Variants in SLC24A2 observed in about 807,000 individuals in gnomAD.
The protein encoded by SLC24A2 is solute carrier family 24 member 2.
In SLC24A2, 36 loss-of-function variants were observed where a neutral mutation model predicts 62.0. That is an observed-to-expected ratio of 0.58 (90% CI 0.44 to 0.77). The LOEUF (loss-of-function observed/expected upper bound fraction) is 0.77. Among genes scored for constraint, SLC24A2 ranks in the 30% least tolerant of loss-of-function variants. The pLI, the probability that SLC24A2 is intolerant of heterozygous loss-of-function variation, is 0.00. For synonymous variants in SLC24A2, 358 were observed against 294.0 expected, an observed-to-expected ratio of 1.22 and a Z score of -2.23; for missense variants, 846 against 817.9, an observed-to-expected ratio of 1.03 and a Z score of -0.42.
chr9:19,576,833 A>T lies in SLC24A2; in HGVS notation c.1228+91T>A, dbSNP rs533054292. 202 of 908,944 alleles carry T rather than the reference A, an allele frequency of 2.2e-4. 1 individual carries two copies. The African/African-American group carries it at 3.2e-3, about 14-fold the overall frequency. 56.3% of individuals were successfully genotyped at this position (908,944 alleles called of 1,614,324 possible). On this transcript the variant is annotated intron_variant, in intron 6 of 10. Transcript: ENST00000341998. ...GTGCTGCAGCGGTGTGTGTGTCTGC[A>T]CTGAGTCAGGGGTGCCCACACTGGT...
At chr9:20,064,368 T>C in the SLC24A2 span, among the ~76,000 whole-genome samples, 3 of 152,160 alleles carry the variant, frequency 2.0e-5, no homozygotes, top group Non-Finnish European at 4.4e-5. Context: ...CAGGGAAAAG[T>C]TCTAAAATGG....
chr9:20,033,896 C>A, the SLC24A2 span, among the ~76,000 whole-genome samples: 1 of 152,184 alleles, frequency 6.6e-6, no homozygotes, highest in Non-Finnish European at 1.5e-5. Flanking sequence ...CCCTTTTACT[C>A]CTTTAATAAA....
chr9:20,263,502 GC>G, the SLC24A2 span, among the ~76,000 whole-genome samples: 1 of 151,954 alleles, frequency 6.6e-6, no homozygotes, highest in African/African-American at 2.4e-5. Flanking sequence ...TCCCACCTCG[GC>G]CCCCCAAAAG....
intron 2 of SLC24A2, among the ~76,000 whole-genome samples, chr9:19,747,291 C>T (rs552901899): frequency 1.3e-5 from 2 of 152,150 alleles, no homozygotes; most frequent in Admixed American, 6.5e-5. Context: ...ACTTTTTATG[C>T]CTATACTTTC....
the SLC24A2 span, among the ~76,000 whole-genome samples, chr9:19,910,892 T>TTTTTC: frequency 2.9e-5 from 1 of 34,566 alleles, no homozygotes; most frequent in Admixed American, 3.3e-4. Flanking sequence ...GGTCCTTTTT[T>TTTTTC]TTTTCTTTTC....
the SLC24A2 span, among the ~76,000 whole-genome samples, chr9:20,022,846 T>TA: frequency 1.7e-4 from 26 of 152,282 alleles, no homozygotes; most frequent in South Asian, 3.5e-3. Flanking sequence ...ACAGATCTGA[T>TA]AAAAAAGCAT....
chr9:20,134,484 C>T, the SLC24A2 span, among the ~76,000 whole-genome samples: 1 of 151,842 alleles, frequency 6.6e-6, no homozygotes, highest in South Asian at 2.1e-4. Context: ...AGAGTTGAGG[C>T]CATTGGGAGT....
chr9:20,197,427 CTTTT>C, the SLC24A2 span, among the ~76,000 whole-genome samples: 1 of 93,160 alleles, frequency 1.1e-5, no homozygotes, highest in Non-Finnish European at 2.0e-5. Context: ...CTCTCTCTCT[CTTTT>C]TTTTTTTTTT....
At chr9:19,816,841 A>C in the SLC24A2 span, among the ~76,000 whole-genome samples, 1 of 152,010 alleles carries the variant, frequency 6.6e-6, no homozygotes, top group Admixed American at 6.6e-5. Flanking sequence ...ACTCACTCCC[A>C]TGATCCAATC....
chr9:20,001,436 T>C, the SLC24A2 span, among the ~76,000 whole-genome samples: 8 of 152,196 alleles, frequency 5.3e-5, no homozygotes, highest in African/African-American at 1.9e-4. Context: ...AACCAATTAA[T>C]TTTCCTTTGC....
chr9:20,145,828 CCATA>C, the SLC24A2 span, among the ~76,000 whole-genome samples: 4 of 151,756 alleles, frequency 2.6e-5, no homozygotes, highest in African/African-American at 7.3e-5. Context: ...ATACAAATAG[CCATA>C]CATACATGTA....
At chr9:19,528,845 C>T (rs1563934921) in intron 8 of SLC24A2, among the ~76,000 whole-genome samples, 2 of 152,134 alleles carry the variant, frequency 1.3e-5, no homozygotes, top group African/African-American at 2.4e-5. Flanking sequence ...AATGTTTTCT[C>T]TCCTGTTCAC....
At chr9:19,789,662 A>G (rs1396854879), upstream of SLC24A2, among the ~76,000 whole-genome samples, 1 of 152,200 alleles carries the variant, frequency 6.6e-6, no homozygotes, top group African/African-American at 2.4e-5. Context: ...TCCTATCTGG[A>G]AAGCAAGATC....
At chr9:19,581,933 A>G (rs955230297) in intron 5 of SLC24A2, among the ~76,000 whole-genome samples, 1 of 152,216 alleles carries the variant, frequency 6.6e-6, no homozygotes, top group East Asian at 1.9e-4. Context: ...CTAAACCCTT[A>G]AAGTGTTGTA....
At chr9:19,996,613 G>A in the SLC24A2 span, among the ~76,000 whole-genome samples, 2 of 152,020 alleles carry the variant, frequency 1.3e-5, no homozygotes, top group African/African-American at 4.8e-5. Context: ...ATGCTGGCAG[G>A]TGCCTGGAAT....
At chr9:19,743,922 T>C (rs1821754072) in intron 2 of SLC24A2, among the ~76,000 whole-genome samples, 1 of 152,168 alleles carries the variant, frequency 6.6e-6, no homozygotes, top group South Asian at 2.1e-4. Context: ...ATGTATAAAC[T>C]GTGGGGTTAT....
At chr9:19,901,335 A>G in the SLC24A2 span, among the ~76,000 whole-genome samples, 1 of 152,174 alleles carries the variant, frequency 6.6e-6, no homozygotes, top group Non-Finnish European at 1.5e-5. Context: ...CTGGGTTTCA[A>G]ATACTGTTAA....
chr9:20,118,137 G>A, the SLC24A2 span, among the ~76,000 whole-genome samples: 1 of 152,022 alleles, frequency 6.6e-6, no homozygotes. Context: ...TGCATATTGT[G>A]GCTCATAGGC....
chr9:19,808,666 A>C, the SLC24A2 span, among the ~76,000 whole-genome samples: 1 of 152,308 alleles, frequency 6.6e-6, no homozygotes, highest in East Asian at 1.9e-4. This position sits in a 1 kb window ranked among gnomAD's most constrained non-coding sequence, Gnocchi z 4.1. Flanking sequence ...GTTGAGCACT[A>C]TGGGGTTACA....
Sources: gnomAD v4.1 joint callset for allele counts (sites outside exome capture counted in the v4.1 genomes callset) on GRCh38, gnomAD v4.1.1 for gene constraint, Gnocchi (gnomAD v3.1) non-coding constraint, MANE v1.5 for transcripts, NCBI Gene and HGNC (gene_info 2026-07-23, HGNC 2026-07-21) for gene names.